The following HMGN5 variants were observed in gnomAD, a reference collection of about 807,000 sequenced individuals.
HMGN5 encodes the protein high mobility group nucleosome-binding domain-containing protein 5.
In HMGN5, 4 loss-of-function variants were observed where a neutral mutation model predicts 9.5. That is an observed-to-expected ratio of 0.42 (90% CI 0.21 to 0.96). The LOEUF is 0.96. Among genes scored for constraint, HMGN5 ranks in the 40% least tolerant of loss-of-function variants. The pLI is 0.30. For missense variants in HMGN5, 192 were observed against 187.5 expected (o/e 1.02, Z -0.14); for synonymous variants, 55 against 57.1 (o/e 0.96, Z 0.16).
At chrX:81,132,134 A>G (rs866179213) in intron 1 of HMGN5, among the ~76,000 whole-genome samples, 18 of 111,298 alleles carry the variant, frequency 1.6e-4, no homozygotes, top group Non-Finnish European at 1.9e-5. Context: ...ACAACAAAAT[A>G]CCTAGGACTA....
rs761895749 is a variant in HMGN5 at position 81,155,075 on chromosome X, G to GTATATA, written c.-123-33409_-123-33404dup. Reference sequence around the variant, plus strand: ...AAAGAAAGGATATCAGTATATATCAGTATATATATATATATATATATATAT... The same window carrying GTATATA: ...AAAGAAAGGATATCAGTATATATCAGTATATATATATATATATATATATATATATAT... On this transcript the variant is annotated intron_variant, in intron 1 of 6. Coordinates refer to ENST00000358130, the MANE Select transcript of HMGN5 (RefSeq NM_030763.3). Among the ~76,000 whole-genome samples, 578 of 68,916 alleles carry GTATATA rather than the reference G, an allele frequency of 8.4e-3. 5 individuals are homozygous for GTATATA. Among genetic ancestry groups the GTATATA allele is most frequent in the African/African-American group, 0.017 (313 of 18,243 alleles). The allele number at this position is 68,916 out of a possible 115,157, so 59.8% of individuals were successfully genotyped here. A position where few individuals can be genotyped will look rare whatever the true frequency, so the allele number is the denominator to read the frequency against.
At chrX:81,175,387 T>C (rs1435872161) in intron 1 of HMGN5, among the ~76,000 whole-genome samples, 1 of 111,282 alleles carries the variant, frequency 9.0e-6, no homozygotes, top group Non-Finnish European at 1.9e-5. Context: ...CTTATCATTA[T>C]TCTAGACTAA....
intron 1 of HMGN5, among the ~76,000 whole-genome samples, chrX:81,175,026 C>A (rs755932626): frequency 9.0e-6 from 1 of 111,508 alleles, no homozygotes; most frequent in South Asian, 3.7e-4. Flanking sequence ...TATTAGTAAT[C>A]TTACTAAGAA....
intron 1 of HMGN5, among the ~76,000 whole-genome samples, chrX:81,136,420 C>T (rs73631721): frequency 0.018 from 2,050 of 111,066 alleles, 42 homozygotes; most frequent in African/African-American, 0.063. Context: ...GTAAAGGGAC[C>T]TTAATGTAAG....
At chrX:81,196,129 G>A (rs2075507492) in intron 1 of HMGN5, among the ~76,000 whole-genome samples, 1 of 111,364 alleles carries the variant, frequency 9.0e-6, no homozygotes. Context: ...CACTTGAAGA[G>A]AACAACAGTA....
intron 1 of HMGN5, among the ~76,000 whole-genome samples, chrX:81,140,437 G>A (rs2075325130): frequency 9.1e-6 from 1 of 109,463 alleles, no homozygotes; most frequent in African/African-American, 3.3e-5. Context: ...GCGGGCGCCT[G>A]TAGTCCCAGC....
chrX:81,190,229 C>G (rs1200176470), intron 1 of HMGN5, among the ~76,000 whole-genome samples: 4 of 111,903 alleles, frequency 3.6e-5, no homozygotes, highest in Non-Finnish European at 7.5e-5. Flanking sequence ...TTCTCCCAGT[C>G]TCTGGCTTCT....
In HMGN5 at chrX:81,181,855, C is replaced by G. The variant is rs187328262; in HGVS notation, c.-124+19882G>C. On this transcript the variant is annotated intron_variant, in intron 1 of 6. Transcript: ENST00000358130. Reference sequence around the variant, plus strand: ...TATCTTCATTCATTTGTTGACAGACCCTTAGGTTGCTTCCAAATCTTGGCT... The same window carrying G: ...TATCTTCATTCATTTGTTGACAGACGCTTAGGTTGCTTCCAAATCTTGGCT... Among the ~76,000 whole-genome samples, 3 of 111,788 alleles carry G rather than the reference C, an allele frequency of 2.7e-5. No individual in the cohort carries two copies. The East Asian group carries it at 8.4e-4, about 31-fold the overall frequency.
intron 1 of HMGN5, among the ~76,000 whole-genome samples, chrX:81,156,387 G>T (rs1022417782): frequency 1.8e-5 from 2 of 111,440 alleles, no homozygotes; most frequent in African/African-American, 6.5e-5. Context: ...AATGACTGAG[G>T]CCTCAGCCTA....
chrX:81,150,998 C>T (rs965581775), intron 1 of HMGN5, among the ~76,000 whole-genome samples: 2 of 111,702 alleles, frequency 1.8e-5, no homozygotes, highest in Admixed American at 1.9e-4. Context: ...TAAAGAAAAG[C>T]TGATGGTTTC....
chrX:81,116,304 A>G lies in HMGN5; in HGVS notation c.167T>C (p.Ile56Thr), dbSNP rs773644284. 3.6e-5 allele frequency: 43 copies of G among 1,191,841 alleles called. No individual in the cohort carries two copies. The highest frequency in any genetic ancestry group is 7.0e-5 in the African/African-American group (4 of 57,000). ...KTKSDMMEEN[I>T]DTSAQAVAET... ...AGCAACTGCTTGGGCACTTGTATCT[A>G]TGTTTTCTTCCATCATATCACTTTT... The change falls in exon 6 of 7, where the codon ATA (isoleucine) becomes ACA (threonine). Residue 56 changes from isoleucine to threonine, a missense_variant. Ile to Thr is a moderately conservative substitution (Grantham distance 89). Coordinates refer to ENST00000358130, the MANE Select transcript of HMGN5 (RefSeq NM_030763.3).
chrX:81,138,166 T>A, intron 1 of HMGN5, among the ~76,000 whole-genome samples: 1 of 111,579 alleles, frequency 9.0e-6, no homozygotes, highest in South Asian at 3.7e-4. Context: ...CAGACCAATA[T>A]CTATCAAGAA....
At chrX:81,159,247 G>C (rs1438968156) in intron 1 of HMGN5, among the ~76,000 whole-genome samples, 1 of 110,676 alleles carries the variant, frequency 9.0e-6, no homozygotes, top group African/African-American at 3.3e-5. Flanking sequence ...ATAGAGTGTG[G>C]GGAGAAAGAG....
chrX:81,185,603 A>T (rs1046934575), intron 1 of HMGN5, among the ~76,000 whole-genome samples: 4 of 111,060 alleles, frequency 3.6e-5, no homozygotes, highest in African/African-American at 1.3e-4. Flanking sequence ...GGTACCCTTT[A>T]TTTGTTCCTC....
chrX:81,164,808 C>A (rs991903879), intron 1 of HMGN5, among the ~76,000 whole-genome samples: 20 of 111,152 alleles, frequency 1.8e-4, no homozygotes, highest in Non-Finnish European at 2.8e-4. Context: ...CCTTCTGTAA[C>A]CCTTGTTTTA....
chrX:81,139,858 C>T (rs1023644075), intron 1 of HMGN5, among the ~76,000 whole-genome samples: 13 of 112,207 alleles, frequency 1.2e-4, no homozygotes, highest in Non-Finnish European at 1.9e-4. Flanking sequence ...TCCTGCAAAC[C>T]TCATCACGGA....
In HMGN5 at chrX:81,186,332, A is replaced by G. The variant is rs758637200; in HGVS notation, c.-124+15405T>C. 3.6e-5 allele frequency among the ~76,000 whole-genome samples: 4 copies of G among 111,959 alleles called. No homozygotes were observed. In the South Asian group the frequency reaches 1.5e-3, roughly 41 times the overall value. On this transcript the variant is annotated intron_variant, in intron 1 of 6. Coordinates refer to ENST00000358130, the MANE Select transcript of HMGN5 (RefSeq NM_030763.3). Reference sequence around the variant, plus strand: ...CAGGTTTTGGATTTATCCATGGTTCAACCTTGGTAACTTGTATTTGTGTAG... The same window carrying G: ...CAGGTTTTGGATTTATCCATGGTTCGACCTTGGTAACTTGTATTTGTGTAG...
intron 1 of HMGN5, among the ~76,000 whole-genome samples, chrX:81,141,492 A>AAAG (rs1569343767): frequency 1.7e-3 from 80 of 47,786 alleles, no homozygotes; most frequent in Non-Finnish European, 3.5e-3. Context: ...GAGAGAGAGA[A>AAAG]AGAGAGAGAG....
At chrX:81,178,340 A>G (rs1464270891) in intron 1 of HMGN5, among the ~76,000 whole-genome samples, 2 of 111,727 alleles carry the variant, frequency 1.8e-5, no homozygotes, top group Non-Finnish European at 3.8e-5. Flanking sequence ...AAAAGAGAGA[A>G]GAATCAAATA....
Sources: allele counts gnomAD v4.1 joint callset (sites outside exome capture counted in the v4.1 genomes callset), GRCh38; gene constraint gnomAD v4.1.1; transcripts MANE v1.5; gene names NCBI Gene and HGNC (gene_info 2026-07-23, HGNC 2026-07-21).